The following PPP2R5C variants were observed in gnomAD, a reference collection of about 807,000 sequenced individuals.
PPP2R5C encodes serine/threonine-protein phosphatase 2A 56 kDa regulatory subunit gamma isoform.
Under a neutral mutation model 68.9 loss-of-function variants are expected in PPP2R5C, and 7 were observed. The ratio of observed to expected loss-of-function variants is 0.10; its 90% CI spans 0.06 to 0.19. The LOEUF (loss-of-function observed/expected upper bound fraction) is 0.19, where lower values mean the gene tolerates loss of function less well. PPP2R5C is among the 10% of genes least tolerant of loss of function. PPP2R5C has a pLI of 1.00. For synonymous variants in PPP2R5C, 210 were observed against 222.2 expected, an observed-to-expected ratio of 0.95 and a Z score of 0.49; for missense variants, 348 against 641.3, an observed-to-expected ratio of 0.54 and a Z score of 4.94.
At chr14:101,861,114 G>T (rs2042710926) in intron 2 of PPP2R5C, among the ~76,000 whole-genome samples, 1 of 152,160 alleles carries the variant, frequency 6.6e-6, no homozygotes, top group African/African-American at 2.4e-5. Flanking sequence ...AAAACTAATT[G>T]TAGCTTTTAA....
chr14:101,829,204 T>G (rs2040584239), intron 1 of PPP2R5C, among the ~76,000 whole-genome samples: 1 of 152,090 alleles, frequency 6.6e-6, no homozygotes, highest in South Asian at 2.1e-4. Context: ...GCATGGGGCT[T>G]GCCTTCCCCT....
intron 1 of PPP2R5C, among the ~76,000 whole-genome samples, chr14:101,842,180 C>T (rs920533099): frequency 6.6e-5 from 10 of 152,174 alleles, no homozygotes; most frequent in African/African-American, 1.7e-4. Flanking sequence ...CTTTAGGTGA[C>T]GTATCTTCTC....
chr14:101,816,162 T>TC (rs2039654374), intron 1 of PPP2R5C, among the ~76,000 whole-genome samples: 2 of 152,196 alleles, frequency 1.3e-5, no homozygotes, highest in South Asian at 4.1e-4. Context: ...AGAGTAAGAC[T>TC]ACCAAAAAGG....
intron 2 of PPP2R5C, among the ~76,000 whole-genome samples, chr14:101,858,671 T>C (rs985803205): frequency 6.6e-6 from 1 of 152,192 alleles, no homozygotes; most frequent in Non-Finnish European, 1.5e-5. Context: ...TTCATTTTAT[T>C]TTACTGTATG....
chr14:101,846,090 C>T (rs1001011948), intron 1 of PPP2R5C, among the ~76,000 whole-genome samples: 2 of 152,368 alleles, frequency 1.3e-5, no homozygotes, highest in Admixed American at 1.3e-4. Flanking sequence ...CCCCGCCAAA[C>T]AGACCTAGCT....
At chr14:101,801,569 A>G (rs1249867404) in intron 3 of PPP2R5C, among the ~76,000 whole-genome samples, 4 of 152,258 alleles carry the variant, frequency 2.6e-5, no homozygotes, top group Non-Finnish European at 5.9e-5. Flanking sequence ...CCAGTATTTT[A>G]GAACCATAAA....
At chr14:101,777,601 C>T (rs777158359) in intron 2 of PPP2R5C, among the ~76,000 whole-genome samples, 3 of 152,154 alleles carry the variant, frequency 2.0e-5, no homozygotes, top group African/African-American at 7.2e-5. Flanking sequence ...CCACCCATCT[C>T]GGCCTCCCAA....
At chr14:101,861,186 G>A (rs1317603355) in intron 2 of PPP2R5C, among the ~76,000 whole-genome samples, 1 of 152,126 alleles carries the variant, frequency 6.6e-6, no homozygotes, top group African/African-American at 2.4e-5. Context: ...TTAAGGTTAG[G>A]GGTTGCACCC....
intron 5 of PPP2R5C, among the ~76,000 whole-genome samples, chr14:101,884,375 G>A (rs561356163): frequency 6.6e-6 from 1 of 152,320 alleles, no homozygotes; most frequent in Admixed American, 6.5e-5. Context: ...ACAATACTTT[G>A]CATCCTTCAA....
chr14:101,820,362 T>C (rs890177034), intron 1 of PPP2R5C: 5 of 152,184 alleles, frequency 3.3e-5, no homozygotes, highest in Admixed American at 6.5e-5. Context: ...GGTTTCTTGA[T>C]GTATACGGTG....
chr14:101,783,345 C>A (rs1435349238), intron 2 of PPP2R5C, among the ~76,000 whole-genome samples: 2 of 147,604 alleles, frequency 1.4e-5, no homozygotes, highest in Non-Finnish European at 3.0e-5. Context: ...CCTCACCTTC[C>A]CAGGGACAGA....
At chr14:101,768,886 G>A (rs1012322602) in intron 2 of PPP2R5C, among the ~76,000 whole-genome samples, 19 of 150,468 alleles carry the variant, frequency 1.3e-4, no homozygotes, top group South Asian at 6.3e-4. Context: ...GTGCAGTGGC[G>A]CAATCTCCGC....
Position 101,915,082 on chromosome 14 carries a change from G to A in PPP2R5C, c.1326+2609G>A, listed in dbSNP as rs1352418189. Among the ~76,000 whole-genome samples the A allele has an allele frequency of 6.6e-6, 1 of 151,806 alleles. No individual in the cohort carries two copies. Among genetic ancestry groups the A allele is most frequent in the Non-Finnish European group, 1.5e-5 (1 of 67,984 alleles). ...GTTTGGTTTGGTTTGGTTTGATTTGGTTTGGTTTGTTTGAGATGGAGTCTT... is the reference window on the plus strand; with the variant it reads ...GTTTGGTTTGGTTTGGTTTGATTTGATTTGGTTTGTTTGAGATGGAGTCTT... On this transcript the variant is annotated intron_variant, in intron 12 of 13. Coordinates refer to ENST00000334743, the Ensembl canonical transcript of PPP2R5C. This position sits in a 1 kb window ranked among gnomAD's most constrained non-coding sequence, Gnocchi z 4.2.
intron 1 of PPP2R5C, among the ~76,000 whole-genome samples, chr14:101,855,067 G>A (rs1436569081): frequency 6.6e-6 from 1 of 152,160 alleles, no homozygotes; most frequent in East Asian, 1.9e-4. Flanking sequence ...TTACTGGGGA[G>A]GCTGAGGCAC....
At chr14:101,787,574 T>A (rs191032339) in intron 3 of PPP2R5C, among the ~76,000 whole-genome samples, 1 of 145,746 alleles carries the variant, frequency 6.9e-6, no homozygotes, top group Non-Finnish European at 1.5e-5. Flanking sequence ...CCATCCTGGC[T>A]AACATGGTGA....
rs1180387009 is a variant in PPP2R5C, at chr14:101,925,171, C to CT, written c.1476dup (p.Ala493CysfsTer25). ...GAAAGATCCGAAGAAGGACCGTCCT[C>CT]TTGCACGCCGCAAGTCCGAGCTGCC... is the stretch of plus-strand genomic sequence containing the variant. On this transcript the variant is annotated frameshift_variant, in exon 14 of 14. Transcript: ENST00000334743. LOFTEE classifies it high-confidence loss of function. 6.2e-7 allele frequency: 1 copy of CT among 1,614,158 alleles called. No individual in the cohort carries two copies. The highest frequency in any genetic ancestry group is 8.5e-7 in the Non-Finnish European group (1 of 1,180,034).
chr14:101,891,753 C>T lies in PPP2R5C; in HGVS notation c.690-1247C>T, dbSNP rs987319439. ...CCAGGCTCGCCCTTCCCGCATTGTC[C>T]GCTGTGCCGCGCAGAGTCAGTAATG... On this transcript the variant is annotated intron_variant, in intron 6 of 13. Coordinates refer to ENST00000334743, the Ensembl canonical transcript of PPP2R5C. This position sits in a 1 kb window ranked among gnomAD's most constrained non-coding sequence, Gnocchi z 4.9. Among the ~76,000 whole-genome samples the T allele has an allele frequency of 1.2e-4, 18 of 152,216 alleles. No individual in the cohort carries two copies. Among genetic ancestry groups the T allele is most frequent in the South Asian group, 6.2e-4 (3 of 4,828 alleles).
chr14:101,924,545 C>T (rs546557063), intron 13 of PPP2R5C, among the ~76,000 whole-genome samples: 1 of 150,682 alleles, frequency 6.6e-6, no homozygotes, highest in African/African-American at 2.4e-5. Context: ...CGGGTTCAAG[C>T]GATTCTCCTG....
intron 5 of PPP2R5C, among the ~76,000 whole-genome samples, chr14:101,885,873 T>C (rs1699632467): frequency 6.6e-6 from 1 of 152,262 alleles, no homozygotes; most frequent in African/African-American, 2.4e-5. Context: ...AATTTAAATT[T>C]CCAGTCTTCT....
Sources: gnomAD v4.1 joint callset for allele counts (sites outside exome capture counted in the v4.1 genomes callset) on GRCh38, gnomAD v4.1.1 for gene constraint, Gnocchi (gnomAD v3.1) non-coding constraint, MANE v1.5 for transcripts, NCBI Gene and HGNC (gene_info 2026-07-23, HGNC 2026-07-21) for gene names.